Variants in PLCH1 observed in about 807,000 individuals in gnomAD.
PLCH1 encodes the protein phospholipase C eta 1, also known as 1-phosphatidylinositol 4,5-bisphosphate phosphodiesterase eta-1.
A neutral mutation model predicts 126.7 loss-of-function variants in PLCH1; 60 were observed. The observed-to-expected ratio is 0.47, with a 90% CI of 0.38 to 0.59. The LOEUF is 0.59. Among genes scored for constraint, PLCH1 ranks in the 20% least tolerant of loss-of-function variants. The pLI is 0.00. For synonymous variants in PLCH1, 719 were observed against 734.9 expected (o/e 0.98, Z 0.35); for missense variants, 1,723 against 2,040.0 (o/e 0.84, Z 2.99).
At chr3:155,456,662 C>T (rs892538464) in intron 21 of PLCH1, 1 of 152,282 alleles carries the variant, frequency 6.6e-6, no homozygotes, top group African/African-American at 2.4e-5. Flanking sequence ...CCCTGAACCA[C>T]TCATACCTTC....
intron 1 of PLCH1, among the ~76,000 whole-genome samples, chr3:155,704,675 A>G (rs1746520567): frequency 6.6e-6 from 1 of 152,206 alleles, no homozygotes; most frequent in African/African-American, 2.4e-5. Context: ...GAACGAAGCT[A>G]TCATTCCCAA....
rs142159984 is a variant in PLCH1 at position 155,565,503 on chromosome 3, C to T, written c.866-385G>A. On this transcript the variant is annotated intron_variant, in intron 7 of 22. Transcript: ENST00000460012. ...CTCTCTCCTGCTCCAGCTCAAGCCA[C>T]GTGACCTGTTTCCTCCCACTTCACC... Among the ~76,000 whole-genome samples the T allele has an allele frequency of 5.8e-3, 885 of 152,084 alleles. 11 individuals carry two copies. The highest frequency in any genetic ancestry group is 0.02 in the African/African-American group (831 of 41,468).
At chr3:155,505,878 C>T (rs1380496228) in intron 12 of PLCH1, among the ~76,000 whole-genome samples, 2 of 150,134 alleles carry the variant, frequency 1.3e-5, no homozygotes, top group African/African-American at 2.5e-5. Context: ...TAGCAAGCCT[C>T]TTCTCTTGGT....
intron 1 of PLCH1, among the ~76,000 whole-genome samples, chr3:155,729,476 G>A (rs1280278637): frequency 6.6e-6 from 1 of 152,212 alleles, no homozygotes; most frequent in Non-Finnish European, 1.5e-5. Flanking sequence ...AGGTTTAAAA[G>A]AGGGAGGAGA....
chr3:155,563,781 A>G (rs900937065), intron 8 of PLCH1, among the ~76,000 whole-genome samples: 2 of 152,150 alleles, frequency 1.3e-5, no homozygotes, highest in African/African-American at 2.4e-5. Context: ...TCCTCACCAT[A>G]GCACTCAAAA....
intron 6 of PLCH1, among the ~76,000 whole-genome samples, chr3:155,576,490 A>C (rs939021253): frequency 5.3e-5 from 8 of 152,220 alleles, no homozygotes; most frequent in Non-Finnish European, 7.3e-5. Context: ...AAAGGCATAA[A>C]TTCAATCTTC....
intron 2 of PLCH1, among the ~76,000 whole-genome samples, chr3:155,702,596 TA>T (rs145119247): frequency 0.046 from 7,071 of 152,172 alleles, 225 homozygotes; most frequent in Middle Eastern, 0.099. Context: ...AATACGACTA[TA>T]AAAATACATA....
Position 155,566,272 on chromosome 3 carries a change from C to CAT in PLCH1, c.866-1156_866-1155dup, listed in dbSNP as rs1553839284. Among the ~76,000 whole-genome samples the CAT allele has an allele frequency of 1.1e-3, 31 of 27,652 alleles. 5 individuals are homozygous for CAT. The South Asian group carries it at 0.036, about 32-fold the overall frequency. 18.1% of individuals were successfully genotyped at this position (27,652 alleles called of 152,430 possible). A position where few individuals can be genotyped will look rare whatever the true frequency, so the allele number is the denominator to read the frequency against. ...ATACGTATATATACACATATATATA[C>CAT]ATATATACATATATATACGTATATA... is the stretch of plus-strand genomic sequence containing the variant. On this transcript the variant is annotated intron_variant, in intron 7 of 22. Transcript: ENST00000460012.
At chr3:155,468,662 T>A (rs1352487130) in intron 21 of PLCH1, among the ~76,000 whole-genome samples, 1 of 152,198 alleles carries the variant, frequency 6.6e-6, no homozygotes, top group Non-Finnish European at 1.5e-5. Flanking sequence ...CATTCCATAA[T>A]GACAAAGGGG....
chr3:155,504,687 T>G, intron 12 of PLCH1, 61 bp from the exon 13 acceptor site: 8 of 1,203,864 alleles, frequency 6.6e-6, no homozygotes, highest in Non-Finnish European at 9.8e-6. Flanking sequence ...TTTTCCTTAG[T>G]TCTGGTGGAA....
chr3:155,469,466 G>C (rs1435048436), intron 21 of PLCH1, among the ~76,000 whole-genome samples: 1 of 151,752 alleles, frequency 6.6e-6, no homozygotes, highest in Non-Finnish European at 1.5e-5. Context: ...AGCAGTCTGA[G>C]ATCAAACTGC....
chr3:155,608,874 C>A (rs1199589003), intron 2 of PLCH1, among the ~76,000 whole-genome samples: 1 of 152,192 alleles, frequency 6.6e-6, no homozygotes, highest in Non-Finnish European at 1.5e-5. Context: ...AAGCTTATAT[C>A]CTCTTTCTAC....
At chr3:155,552,522 T>C (rs1315766690) in intron 9 of PLCH1, among the ~76,000 whole-genome samples, 2 of 152,046 alleles carry the variant, frequency 1.3e-5, no homozygotes, top group Admixed American at 6.6e-5. Flanking sequence ...ATTAATCAGA[T>C]AGACTAACGG....
intron 2 of PLCH1, among the ~76,000 whole-genome samples, chr3:155,685,152 C>T (rs769052384): frequency 1.3e-5 from 2 of 152,086 alleles, no homozygotes; most frequent in African/African-American, 4.8e-5. Context: ...TTCCAATTGT[C>T]GGAAGACACT....
At chr3:155,719,181 C>T (rs1386318188) in intron 1 of PLCH1, among the ~76,000 whole-genome samples, 2 of 152,174 alleles carry the variant, frequency 1.3e-5, no homozygotes, top group Non-Finnish European at 2.9e-5. Context: ...TACCCTTTCC[C>T]CTGAGTCCCC....
At chr3:155,665,199 G>A (rs573068062) in intron 2 of PLCH1, among the ~76,000 whole-genome samples, 2 of 152,246 alleles carry the variant, frequency 1.3e-5, no homozygotes, top group South Asian at 2.1e-4. Context: ...AGCCTGGGCC[G>A]CTGAATCATC....
intron 2 of PLCH1, among the ~76,000 whole-genome samples, chr3:155,666,355 C>A (rs1281602156): frequency 6.6e-6 from 1 of 152,052 alleles, no homozygotes; most frequent in Non-Finnish European, 1.5e-5. Flanking sequence ...ATATATCTAT[C>A]TCATTCTTTT....
At chr3:155,589,477 A>C (rs1731817189) in intron 4 of PLCH1, among the ~76,000 whole-genome samples, 1 of 152,142 alleles carries the variant, frequency 6.6e-6, no homozygotes, top group Admixed American at 6.5e-5. Flanking sequence ...TTCTTAGCTC[A>C]GGAGTCCACG....
intron 2 of PLCH1, among the ~76,000 whole-genome samples, chr3:155,665,531 C>A (rs1195666317): frequency 6.6e-6 from 1 of 152,156 alleles, no homozygotes; most frequent in East Asian, 1.9e-4. Flanking sequence ...AAGATAAGCA[C>A]TGGGAAAGAC....
Sources: gnomAD v4.1 joint callset for allele counts (sites outside exome capture counted in the v4.1 genomes callset) on GRCh38, gnomAD v4.1.1 for gene constraint, MANE v1.5 for transcripts, NCBI Gene and HGNC (gene_info 2026-07-23, HGNC 2026-07-21) for gene names.